SNRPD3: variants seen among roughly 807,000 people sequenced by gnomAD.
The protein encoded by SNRPD3 is small nuclear ribonucleoprotein Sm D3.
For synonymous variants in SNRPD3, 66 were observed against 58.4 expected, an observed-to-expected ratio of 1.13 and a Z score of -0.59; for missense variants, 73 against 167.5, an observed-to-expected ratio of 0.44 and a Z score of 3.11.
At chr22:24,568,954 C>T (rs902489226) in intron 3 of SNRPD3, among the ~76,000 whole-genome samples, 2 of 152,224 alleles carry the variant, frequency 1.3e-5, no homozygotes, top group African/African-American at 4.8e-5. Flanking sequence ...CATGATCCAC[C>T]TGCCTCGGCC....
intron 3 of SNRPD3, 90 bp downstream of exon 3, chr22:24,568,266 G>A: frequency 1.0e-6 from 1 of 999,318 alleles, no homozygotes; most frequent in Non-Finnish European, 1.5e-6. Context: ...GACAGAGAGG[G>A]TTTGACCTCT....
intron 2 of SNRPD3, among the ~76,000 whole-genome samples, chr22:24,563,206 A>ATGTGTGTGTGTGTGTGTG (rs1177387267): frequency 2.4e-4 from 26 of 106,256 alleles, no homozygotes; most frequent in African/African-American, 7.0e-4. Flanking sequence ...TGTCTCATAT[A>ATGTGTGTGTGTGTGTGTG]TGTGTGTGTG....
intron 2 of SNRPD3, among the ~76,000 whole-genome samples, chr22:24,559,517 G>A (rs369550999): frequency 6.6e-6 from 1 of 152,148 alleles, no homozygotes; most frequent in Non-Finnish European, 1.5e-5. Flanking sequence ...CATCCGTAAC[G>A]TGAAGGTGTC....
intron 3 of SNRPD3, among the ~76,000 whole-genome samples, chr22:24,570,906 A>G (rs555958840): frequency 2.7e-5 from 4 of 145,710 alleles, no homozygotes; most frequent in South Asian, 2.1e-4. Flanking sequence ...ACCTCCTCCA[A>G]CTCCCAGGTT....
At chr22:24,556,875 GC>G (rs1342584317) in intron 1 of SNRPD3, among the ~76,000 whole-genome samples, 2 of 152,220 alleles carry the variant, frequency 1.3e-5, no homozygotes, top group Non-Finnish European at 1.5e-5. Context: ...AAAGTTCACT[GC>G]TTGATGCTTT....
Position 24,568,017 on chromosome 22 carries a change from C to A in SNRPD3, c.160C>A (p.Arg54=). The A allele has an allele frequency of 1.9e-6, 3 of 1,610,804 alleles. No homozygotes were observed. The highest frequency in any genetic ancestry group is 2.5e-6 in the Non-Finnish European group (3 of 1,178,742). Residue 54 remains arginine, a synonymous_variant, in exon 3 of 4, where the codon CGA becomes AGA. Transcript: ENST00000215829. Reference sequence around the variant, plus strand: ...CATCACAGTCACATACAGAGATGGCCGAGTGGCACAGCTGGAGCAGGTATA... The same window carrying A: ...CATCACAGTCACATACAGAGATGGCAGAGTGGCACAGCTGGAGCAGGTATA... ...SNITVTYRDG[R]VAQLEQVYIR...
intron 2 of SNRPD3, among the ~76,000 whole-genome samples, chr22:24,563,244 A>ATGTG (rs775068266): frequency 7.8e-6 from 1 of 128,766 alleles, no homozygotes; most frequent in African/African-American, 3.4e-5. Context: ...GTGTGTGTGT[A>ATGTG]TGTGTGTATG....
chr22:24,562,333 A>G (rs2045151406), intron 2 of SNRPD3, among the ~76,000 whole-genome samples: 1 of 152,134 alleles, frequency 6.6e-6, no homozygotes, highest in Non-Finnish European at 1.5e-5. Flanking sequence ...CGAGGTCAGG[A>G]GATTGAGACC....
chr22:24,559,351 T>C (rs2045110779), intron 2 of SNRPD3, among the ~76,000 whole-genome samples: 1 of 152,226 alleles, frequency 6.6e-6, no homozygotes, highest in Non-Finnish European at 1.5e-5. Flanking sequence ...ATCTCTCATA[T>C]ATCCAGTCCT....
rs1229467781 is a variant in SNRPD3, at chr22:24,572,307, C to T, written c.*330C>T. ...TCCTGGCCAGTTGCAGGTTAAGCCC[C>T]AGAAAAGTTCACCTTGGAGAAGCTC... On this transcript the variant is annotated 3_prime_UTR_variant, in exon 4 of 4. Coordinates refer to ENST00000215829, the MANE Select transcript of SNRPD3 (RefSeq NM_004175.5). 8.4e-6 allele frequency: 5 copies of T among 598,700 alleles called. No homozygotes were observed. Among genetic ancestry groups the T allele is most frequent in the African/African-American group, 3.7e-5 (2 of 53,858 alleles). 37.1% of individuals were successfully genotyped at this position (598,700 alleles called of 1,614,324 possible).
chr22:24,555,934 G>A (rs930422975), upstream of SNRPD3: 4 of 1,162,986 alleles, frequency 3.4e-6, no homozygotes, highest in Non-Finnish European at 4.8e-6. Context: ...ACTGGGGAAA[G>A]GAAGGAGGCG....
chr22:24,567,185 C>T (rs1480439865), intron 2 of SNRPD3, among the ~76,000 whole-genome samples: 4 of 152,320 alleles, frequency 2.6e-5, no homozygotes, highest in Non-Finnish European at 4.4e-5. Context: ...TCTGGAGGGT[C>T]AGAACCACAT....
In SNRPD3 at chr22:24,567,992, C is replaced by T; in HGVS notation, c.135C>T (p.Asn45=). Residue 45 remains asparagine, a synonymous_variant, in exon 3 of 4, where the codon AAC becomes AAT. Transcript: ENST00000215829. ...AEDNMNCQMS[N]ITVTYRDGRV... ...TGGTGATTTCCTTCCAGATGTCCAA[C>T]ATCACAGTCACATACAGAGATGGCC... The T allele has an allele frequency of 3.1e-6, 5 of 1,594,244 alleles. No homozygotes were observed. The highest frequency in any genetic ancestry group is 4.3e-6 in the Non-Finnish European group (5 of 1,169,176).
chr22:24,569,748 A>G (rs1217849701), intron 3 of SNRPD3, among the ~76,000 whole-genome samples: 1 of 152,250 alleles, frequency 6.6e-6, no homozygotes, highest in African/African-American at 2.4e-5. Context: ...AATTTGCTGG[A>G]GTAGCTCACA....
intron 2 of SNRPD3, among the ~76,000 whole-genome samples, chr22:24,564,125 G>C (rs931326894): frequency 9.9e-5 from 15 of 152,100 alleles, no homozygotes; most frequent in African/African-American, 3.6e-4. Flanking sequence ...GATGGCCTTA[G>C]TTGGTATTCG....
At chr22:24,564,017 T>C (rs1227118989) in intron 2 of SNRPD3, among the ~76,000 whole-genome samples, 1 of 152,162 alleles carries the variant, frequency 6.6e-6, no homozygotes, top group Non-Finnish European at 1.5e-5. Flanking sequence ...AAACTTATCG[T>C]ATACTTTTTT....
intron 2 of SNRPD3, among the ~76,000 whole-genome samples, chr22:24,560,368 C>T (rs1276089149): frequency 6.7e-6 from 1 of 149,682 alleles, no homozygotes; most frequent in South Asian, 2.1e-4. Context: ...GTGATCTGCT[C>T]GCCTCGACCT....
chr22:24,557,574 C>T (rs2045089902), intron 1 of SNRPD3, 83 bp from the exon 2 acceptor site: 2 of 949,798 alleles, frequency 2.1e-6, no homozygotes, highest in East Asian at 5.4e-5. Context: ...TATGGAGTGC[C>T]AGGCCTTAAA....
At chr22:24,571,264 G>T (rs1601572627) in intron 3 of SNRPD3, among the ~76,000 whole-genome samples, 1 of 152,080 alleles carries the variant, frequency 6.6e-6, no homozygotes, top group Admixed American at 6.5e-5. Context: ...CTCACCCAAG[G>T]CCAGCCCCAA....
Sources: gnomAD v4.1 joint callset for allele counts (sites outside exome capture counted in the v4.1 genomes callset) on GRCh38, gnomAD v4.1.1 for gene constraint, MANE v1.5 for transcripts, NCBI Gene and HGNC (gene_info 2026-07-23, HGNC 2026-07-21) for gene names.